Variants in IGSF11 observed in about 807,000 individuals in gnomAD.
The protein encoded by IGSF11 is immunoglobulin superfamily member 11.
Under a neutral mutation model 41.0 loss-of-function variants are expected in IGSF11, and 22 were observed. That is an observed-to-expected ratio of 0.54 (90% CI 0.38 to 0.77). The LOEUF is 0.77. IGSF11 is among the 30% of genes least tolerant of loss of function. IGSF11 has a pLI of 0.00. For missense variants in IGSF11, 444 were observed against 530.8 expected (o/e 0.84, Z 1.61); for synonymous variants, 219 against 201.3 (o/e 1.09, Z -0.74).
chr3:119,086,906 A>G (rs2076684918), intron 1 of IGSF11, among the ~76,000 whole-genome samples: 1 of 152,190 alleles, frequency 6.6e-6, no homozygotes, highest in Non-Finnish European at 1.5e-5. Context: ...ACATAGCAAT[A>G]CTAACCTTGA....
intron 1 of IGSF11, among the ~76,000 whole-genome samples, chr3:118,958,142 C>T (rs905955412): frequency 6.6e-6 from 1 of 152,162 alleles, no homozygotes; most frequent in African/African-American, 2.4e-5. Flanking sequence ...ATTACAGATA[C>T]TTCCCCAAAT....
chr3:119,141,042 T>TAAAAAAAAAAAAAAAA (rs35323898), intron 1 of IGSF11, among the ~76,000 whole-genome samples: 1 of 99,782 alleles, frequency 1.0e-5, no homozygotes. Flanking sequence ...TCTGTCTCAT[T>TAAAAAAAAAAAAAAAA]AAAAAAAAAA....
chr3:118,925,657 C>CT (rs1254475950), intron 4 of IGSF11, among the ~76,000 whole-genome samples: 1 of 152,082 alleles, frequency 6.6e-6, no homozygotes, highest in Non-Finnish European at 1.5e-5. Flanking sequence ...AGGCCTTTTC[C>CT]TTTACTCTTT....
At chr3:119,095,000 A>G (rs2076827275) in intron 1 of IGSF11, among the ~76,000 whole-genome samples, 1 of 152,096 alleles carries the variant, frequency 6.6e-6, no homozygotes, top group Non-Finnish European at 1.5e-5. Flanking sequence ...CACCACATAA[A>G]GGAAGGAGTT....
At chr3:119,059,031 G>A (rs57503145) in intron 1 of IGSF11, among the ~76,000 whole-genome samples, 7,545 of 149,814 alleles carry the variant, frequency 0.05, 674 homozygotes, top group African/African-American at 0.18. Context: ...GCTAGATGAC[G>A]AGTTAGTGGG....
chr3:119,051,845 A>G (rs1258990973), intron 1 of IGSF11, among the ~76,000 whole-genome samples: 3 of 152,210 alleles, frequency 2.0e-5, no homozygotes, highest in Non-Finnish European at 4.4e-5. Context: ...CTATACAGAT[A>G]CATGGAAATT....
At chr3:119,090,867 A>G (rs1469274514) in intron 1 of IGSF11, among the ~76,000 whole-genome samples, 1 of 152,234 alleles carries the variant, frequency 6.6e-6, no homozygotes, top group African/African-American at 2.4e-5. Context: ...CTATAAAAAC[A>G]AAAACAAAAA....
chr3:119,050,679 A>G (rs1273403658), intron 1 of IGSF11, among the ~76,000 whole-genome samples: 1 of 152,112 alleles, frequency 6.6e-6, no homozygotes, highest in Non-Finnish European at 1.5e-5. Flanking sequence ...TCATGCTGCT[A>G]TAAAGACACA....
At chr3:118,972,685 A>C (rs2107620452) in intron 1 of IGSF11, among the ~76,000 whole-genome samples, 1 of 152,364 alleles carries the variant, frequency 6.6e-6, no homozygotes, top group East Asian at 1.9e-4. Flanking sequence ...CTAAATTTGT[A>C]GAAGCTATAG....
chr3:119,076,551 A>C (rs1028177342), intron 1 of IGSF11, among the ~76,000 whole-genome samples: 4 of 152,226 alleles, frequency 2.6e-5, no homozygotes, highest in Non-Finnish European at 5.9e-5. Flanking sequence ...CAAAGAACTC[A>C]AACAAATTTA....
chr3:119,108,284 T>C (rs936101679), upstream of IGSF11, among the ~76,000 whole-genome samples: 33 of 141,464 alleles, frequency 2.3e-4, no homozygotes, highest in African/African-American at 8.5e-4. Context: ...TTTGTAGTTG[T>C]CCTTGAAGAG....
chr3:119,007,579 A>C (rs1332486975), intron 1 of IGSF11, among the ~76,000 whole-genome samples: 1 of 152,142 alleles, frequency 6.6e-6, no homozygotes, highest in Non-Finnish European at 1.5e-5. Flanking sequence ...ACTAAATTGA[A>C]GGAATTCTCC....
intron 1 of IGSF11, among the ~76,000 whole-genome samples, chr3:119,074,304 A>C (rs2076454663): frequency 6.6e-6 from 1 of 152,128 alleles, no homozygotes; most frequent in Non-Finnish European, 1.5e-5. Context: ...TAGAAATAAC[A>C]CCAACTACAT....
chr3:118,910,442 C>T (rs1209390685), intron 4 of IGSF11, among the ~76,000 whole-genome samples: 1 of 152,168 alleles, frequency 6.6e-6, no homozygotes, highest in East Asian at 1.9e-4. Flanking sequence ...CTTACCCTCC[C>T]CCACTGTGCC....
At chr3:119,131,649 T>C (rs938910175) in intron 1 of IGSF11, among the ~76,000 whole-genome samples, 5 of 152,190 alleles carry the variant, frequency 3.3e-5, no homozygotes, top group African/African-American at 1.2e-4. Flanking sequence ...CTAGGAGAAC[T>C]TCCCCAACCT....
intron 1 of IGSF11, among the ~76,000 whole-genome samples, chr3:118,937,619 A>G (rs1382612093): frequency 6.6e-6 from 1 of 152,172 alleles, no homozygotes; most frequent in African/African-American, 2.4e-5. Flanking sequence ...AGATGGCTCT[A>G]TTACATATTG....
At chr3:118,995,812 C>T (rs546202607) in intron 1 of IGSF11, among the ~76,000 whole-genome samples, 45 of 152,160 alleles carry the variant, frequency 3.0e-4, no homozygotes, top group Middle Eastern at 3.4e-3. Flanking sequence ...GCCACCACGC[C>T]CCGCTAATTT....
chr3:118,911,721 C>CAG (rs564142301), intron 4 of IGSF11, among the ~76,000 whole-genome samples: 100 of 149,476 alleles, frequency 6.7e-4, no homozygotes, highest in African/African-American at 2.0e-3. Flanking sequence ...AGAGGAGACA[C>CAG]AGAGAGAGAG....
chr3:118,970,038 T>C (rs534641006), intron 1 of IGSF11, among the ~76,000 whole-genome samples: 11 of 152,292 alleles, frequency 7.2e-5, no homozygotes, highest in Non-Finnish European at 1.2e-4. Flanking sequence ...TTTGCAAAGT[T>C]GCCACAGGTC....
Sources: gnomAD v4.1 joint callset for allele counts (sites outside exome capture counted in the v4.1 genomes callset) on GRCh38, gnomAD v4.1.1 for gene constraint, MANE v1.5 for transcripts, NCBI Gene and HGNC (gene_info 2026-07-23, HGNC 2026-07-21) for gene names.